The following WDR17 variants were observed in gnomAD, a reference collection of about 807,000 sequenced individuals.
The protein encoded by WDR17 is WD repeat domain 17, also known as WD repeat-containing protein 17.
Under a neutral mutation model 161.7 loss-of-function variants are expected in WDR17, and 143 were observed. The ratio of observed to expected loss-of-function variants is 0.88; its 90% confidence interval spans 0.77 to 1.02. WDR17 has a LOEUF of 1.02. WDR17 is among the 50% of genes least tolerant of loss of function. The pLI is 0.00. For missense variants in WDR17, 1,469 were observed against 1,520.9 expected, an observed-to-expected ratio of 0.97 and a Z score of 0.57; for synonymous variants, 517 against 515.6, an observed-to-expected ratio of 1.00 and a Z score of -0.04.
At chr4:176,116,052 G>T (rs895821903) in intron 3 of WDR17, 73 bp downstream of exon 3, 4 of 1,396,488 alleles carry the variant, frequency 2.9e-6, no homozygotes, top group Non-Finnish European at 3.9e-6. Flanking sequence ...AATATTATTA[G>T]TTCAGCTTTT....
chr4:176,098,347 A>G (rs865953092), intron 1 of WDR17: 17 of 152,222 alleles, frequency 1.1e-4, no homozygotes, highest in African/African-American at 3.8e-4. Flanking sequence ...TGGTTCACAT[A>G]TTAATGAAAC....
Position 176,132,125 on chromosome 4 carries a change from G to T in WDR17, c.1098+387G>T, listed in dbSNP as rs545360582. On this transcript the variant is annotated intron_variant, in intron 7 of 28. Coordinates refer to ENST00000508596, the MANE Select transcript of WDR17 (RefSeq NM_181265.4). Reference sequence around the variant, plus strand: ...AGTAACGTTGGATTATGTTTTCTAAGATTTGTTTCTATTGTTGAATCGCTA... The same window carrying T: ...AGTAACGTTGGATTATGTTTTCTAATATTTGTTTCTATTGTTGAATCGCTA... Among the ~76,000 whole-genome samples the T allele has an allele frequency of 6.9e-4, 105 of 152,080 alleles. 2 individuals carry two copies. The highest frequency in any genetic ancestry group is 6.9e-3 in the Admixed American group (105 of 15,264).
At chr4:176,142,398 T>A (rs185582757) in intron 11 of WDR17, among the ~76,000 whole-genome samples, 1 of 152,354 alleles carries the variant, frequency 6.6e-6, no homozygotes, top group African/African-American at 2.4e-5. Context: ...GCCCTTTTTT[T>A]AATCTCACTT....
chr4:176,134,487 T>C (rs1400096735), intron 7 of WDR17, among the ~76,000 whole-genome samples: 1 of 151,692 alleles, frequency 6.6e-6, no homozygotes, highest in Non-Finnish European at 1.5e-5. Flanking sequence ...CACTTTATAG[T>C]CTTGTGGGTG....
chr4:176,093,268 A>G (rs895713626), intron 1 of WDR17, among the ~76,000 whole-genome samples: 1 of 150,538 alleles, frequency 6.6e-6, no homozygotes, highest in African/African-American at 2.4e-5. Flanking sequence ...TACCCAAAAC[A>G]ATCTACACAT....
chr4:176,085,799 C>A (rs1424727330), intron 1 of WDR17, among the ~76,000 whole-genome samples: 2 of 151,904 alleles, frequency 1.3e-5, no homozygotes, highest in African/African-American at 4.8e-5. Flanking sequence ...GCTTTCACCT[C>A]TTTTTGGAAT....
At chr4:176,117,934 A>G (rs545643562) in intron 3 of WDR17, among the ~76,000 whole-genome samples, 131 of 152,278 alleles carry the variant, frequency 8.6e-4, no homozygotes, top group Non-Finnish European at 1.3e-3. Context: ...AGCAAAGTAG[A>G]AATTTGCATT....
At position 176,172,357 on chromosome 4, in the gene WDR17, A is replaced by G; in HGVS notation, c.3103-18A>G. 1.9e-6 allele frequency: 3 copies of G among 1,599,116 alleles called. No homozygotes were observed. Among genetic ancestry groups the G allele is most frequent in the Non-Finnish European group, 2.6e-6 (3 of 1,175,870 alleles). On this transcript the variant is annotated intron_variant, in intron 23 of 28. Transcript: ENST00000508596. ...TTTGAATTTTAGTAACATTGTTTTC[A>G]AATCAATTATTTTCTAGTGTAAGCT...
chr4:176,151,286 G>C (rs1747063028), intron 16 of WDR17, among the ~76,000 whole-genome samples: 1 of 152,078 alleles, frequency 6.6e-6, no homozygotes, highest in African/African-American at 2.4e-5. Context: ...AGGCCTGTCT[G>C]TACTGTTGTA....
At chr4:176,102,234 T>C (rs75936704) in intron 1 of WDR17, among the ~76,000 whole-genome samples, 1,778 of 152,328 alleles carry the variant, frequency 0.012, 19 homozygotes, top group Non-Finnish European at 0.019. Context: ...AGAATGTATA[T>C]TCATGACAAG....
At chr4:176,109,922 G>A (rs1446266630) in intron 1 of WDR17, among the ~76,000 whole-genome samples, 1 of 152,074 alleles carries the variant, frequency 6.6e-6, no homozygotes, top group Non-Finnish European at 1.5e-5. Flanking sequence ...CAATATATTA[G>A]TCACGTAAAA....
In WDR17 at chr4:176,119,944, A is replaced by C. The variant is rs368116707; in HGVS notation, c.385A>C (p.Ile129Leu). The change falls in exon 4 of 29, where the codon ATT (isoleucine) becomes CTT (leucine). Residue 129 changes from isoleucine (I) to leucine (L), a missense_variant. By Grantham distance (5) the Ile-to-Leu change is conservative. Transcript: ENST00000508596. ...AFVSHRGPLFIWTISGPDSGV... is the reference protein window; with the variant it reads ...AFVSHRGPLFLWTISGPDSGV... The stretch of plus-strand genomic sequence containing the variant: ...TGTTTCCCACAGAGGCCCACTGTTC[A>C]TTTGGACCATCTCAGGACCAGATAG... 3 of 1,614,056 alleles carry C rather than the reference A, an allele frequency of 1.9e-6. No individual in the cohort carries two copies. Among genetic ancestry groups the C allele is most frequent in the Non-Finnish European group, 2.5e-6 (3 of 1,179,992 alleles).
At chr4:176,103,955 A>G (rs1738253049) in intron 1 of WDR17, among the ~76,000 whole-genome samples, 1 of 152,172 alleles carries the variant, frequency 6.6e-6, no homozygotes, top group South Asian at 2.1e-4. Flanking sequence ...AAATAGACAC[A>G]CATGGAGACA....
Position 176,135,283 on chromosome 4 carries a change from G to A in WDR17, c.1267+7G>A. On this transcript the variant is annotated splice_region_variant and intron_variant, in intron 8 of 28. Transcript: ENST00000508596. ...TCCCTTTCTTGGGCTCCAGGTAAGAGATATTTTATTGAAATTAGGAATACA... is the reference window on the plus strand; with the variant it reads ...TCCCTTTCTTGGGCTCCAGGTAAGAAATATTTTATTGAAATTAGGAATACA... The A allele has an allele frequency of 6.2e-7, 1 of 1,611,526 alleles. No individual in the cohort carries two copies. The highest frequency in any genetic ancestry group is 8.5e-7 in the Non-Finnish European group (1 of 1,178,018).
chr4:176,116,185 T>C (rs1017793518), intron 3 of WDR17, among the ~76,000 whole-genome samples: 1 of 151,844 alleles, frequency 6.6e-6, no homozygotes, highest in Non-Finnish European at 1.5e-5. Context: ...GTAGAACATA[T>C]GATCGACTAA....
At position 176,172,566 on chromosome 4, in the gene WDR17, C is replaced by T. The variant is rs199516389; in HGVS notation, c.3244+50C>T. The stretch of plus-strand genomic sequence containing the variant: ...TTTTAAATATACTCATTTATTTGAT[C>T]GTTGTTTTCATACTGATGATTGTTT... On this transcript the variant is annotated intron_variant, in intron 24 of 28. Coordinates refer to ENST00000508596, the MANE Select transcript of WDR17 (RefSeq NM_181265.4). The T allele has an allele frequency of 8.6e-5, 124 of 1,449,826 alleles. 2 individuals carry two copies. The East Asian group carries it at 2.3e-3, about 27-fold the overall frequency. The allele number at this position is 1,449,826 out of a possible 1,614,324, so 89.8% of individuals were successfully genotyped here. A position where few individuals can be genotyped will look rare whatever the true frequency, so the allele number is the denominator to read the frequency against.
At chr4:176,091,111 C>T (rs867657775) in intron 1 of WDR17, among the ~76,000 whole-genome samples, 1 of 152,124 alleles carries the variant, frequency 6.6e-6, no homozygotes, top group African/African-American at 2.4e-5. Context: ...AGTTTTGGGG[C>T]TAGTTTATGG....
intron 1 of WDR17, among the ~76,000 whole-genome samples, chr4:176,092,809 A>T (rs1054247230): frequency 2.0e-5 from 3 of 152,130 alleles, no homozygotes; most frequent in African/African-American, 7.2e-5. Context: ...TGGGAGGGTG[A>T]GGTGGGTGGA....
In WDR17 at chr4:176,181,448, C is replaced by A; in HGVS notation, c.*1869C>A. On this transcript the variant is annotated 3_prime_UTR_variant, in exon 29 of 29. Transcript: ENST00000508596. Reference sequence around the variant, plus strand: ...CACTACTGCACTCCAGCCTGGGCGACAGAGCAAGACCACCATCTCCAAAAA... The same window carrying A: ...CACTACTGCACTCCAGCCTGGGCGAAAGAGCAAGACCACCATCTCCAAAAA... 4.8e-6 allele frequency: 1 copy of A among 208,526 alleles called. No homozygotes were observed. 12.9% of individuals were successfully genotyped at this position (208,526 alleles called of 1,614,324 possible).
Sources: gnomAD v4.1 joint callset for allele counts (sites outside exome capture counted in the v4.1 genomes callset) on GRCh38, gnomAD v4.1.1 for gene constraint, MANE v1.5 for transcripts, NCBI Gene and HGNC (gene_info 2026-07-23, HGNC 2026-07-21) for gene names.